The following LPAR1 variants were observed in gnomAD, a reference collection of about 807,000 sequenced individuals.
LPAR1 encodes the protein lysophosphatidic acid receptor 1.
In LPAR1, 5 loss-of-function variants were observed where a neutral mutation model predicts 23.8. The ratio of observed to expected loss-of-function variants is 0.21; its 90% CI spans 0.11 to 0.44. The LOEUF is 0.44. Ranked by LOEUF, LPAR1 falls within the 20% of genes least tolerant of loss-of-function variation. LPAR1 has a pLI of 0.99. For synonymous variants in LPAR1, 160 were observed against 164.7 expected (o/e 0.97, Z 0.22); for missense variants, 311 against 482.8 (o/e 0.64, Z 3.33).
At chr9:111,005,246 A>G (rs1054480663) in intron 2 of LPAR1, among the ~76,000 whole-genome samples, 4 of 151,786 alleles carry the variant, frequency 2.6e-5, no homozygotes, top group African/African-American at 9.7e-5. Context: ...ATGATCTAAC[A>G]AAATTGTGGA....
At chr9:110,919,253 C>T (rs970498170) in intron 5 of LPAR1, among the ~76,000 whole-genome samples, 1 of 152,112 alleles carries the variant, frequency 6.6e-6, no homozygotes, top group Non-Finnish European at 1.5e-5. Flanking sequence ...TGCCCACCCC[C>T]TGCCTCCGCC....
chr9:110,922,299 A>C (rs1237886713), intron 5 of LPAR1, among the ~76,000 whole-genome samples: 1 of 152,190 alleles, frequency 6.6e-6, no homozygotes. Context: ...ACGAGCATAA[A>C]GTAGTTCAGC....
At chr9:110,881,759 C>G (rs1046445914) in intron 5 of LPAR1, among the ~76,000 whole-genome samples, 1 of 152,224 alleles carries the variant, frequency 6.6e-6, no homozygotes, top group Non-Finnish European at 1.5e-5. Context: ...CTCCACACTG[C>G]TTCCCTAAAG....
At chr9:110,893,505 T>A (rs1009351153) in intron 5 of LPAR1, among the ~76,000 whole-genome samples, 2 of 152,204 alleles carry the variant, frequency 1.3e-5, no homozygotes, top group African/African-American at 4.8e-5. Flanking sequence ...TATAGGTACT[T>A]ATATGTATAT....
intron 2 of LPAR1, among the ~76,000 whole-genome samples, chr9:110,999,666 A>G (rs188506740): frequency 3.9e-5 from 6 of 152,156 alleles, no homozygotes; most frequent in Non-Finnish European, 2.9e-5. Context: ...ATTTAGCCTC[A>G]TAAGTGGAAA....
At chr9:111,000,972 C>A (rs1431526556) in intron 2 of LPAR1, among the ~76,000 whole-genome samples, 1 of 152,112 alleles carries the variant, frequency 6.6e-6, no homozygotes, top group Non-Finnish European at 1.5e-5. Flanking sequence ...CTCATAATAA[C>A]CCCTTTTGTT....
chr9:110,976,121 G>C (rs2096547745), intron 2 of LPAR1, among the ~76,000 whole-genome samples: 1 of 152,020 alleles, frequency 6.6e-6, no homozygotes, highest in African/African-American at 2.4e-5. Flanking sequence ...GAGTAAGCTG[G>C]CTCACTTTGA....
At chr9:111,000,349 T>C (rs2097105185) in intron 2 of LPAR1, among the ~76,000 whole-genome samples, 2 of 152,158 alleles carry the variant, frequency 1.3e-5, no homozygotes, top group African/African-American at 2.4e-5. Context: ...CCAAATCTCT[T>C]AGTATTGACT....
chr9:110,989,695 C>T (rs1410728388), intron 2 of LPAR1, among the ~76,000 whole-genome samples: 1 of 151,908 alleles, frequency 6.6e-6, no homozygotes, highest in Non-Finnish European at 1.5e-5. Flanking sequence ...ACAAATGTGA[C>T]AATAGACAAA....
chr9:110,966,203 G>A (rs892015540), intron 4 of LPAR1, among the ~76,000 whole-genome samples: 1 of 152,014 alleles, frequency 6.6e-6, no homozygotes, highest in East Asian at 1.9e-4. Context: ...ATGATGGGCC[G>A]GGCATGCTGG....
intron 2 of LPAR1, among the ~76,000 whole-genome samples, chr9:111,021,939 G>A (rs1261103330): frequency 7.5e-6 from 1 of 132,672 alleles, no homozygotes; most frequent in African/African-American, 2.9e-5. Flanking sequence ...ACTCCAGCCT[G>A]GGTGACAGAG....
chr9:111,017,057 C>G (rs750125855), intron 2 of LPAR1, among the ~76,000 whole-genome samples: 3 of 152,168 alleles, frequency 2.0e-5, no homozygotes, highest in Non-Finnish European at 4.4e-5. Flanking sequence ...GAAGAGTTGT[C>G]CCCCCTGGTT....
At chr9:110,966,497 A>G (rs1258200578) in intron 4 of LPAR1, among the ~76,000 whole-genome samples, 3 of 151,660 alleles carry the variant, frequency 2.0e-5, no homozygotes, top group East Asian at 3.9e-4. Context: ...AAAAAAAAAA[A>G]CCAACCTAGA....
intron 2 of LPAR1, among the ~76,000 whole-genome samples, chr9:110,983,578 C>T (rs190323087): frequency 1.3e-5 from 2 of 151,880 alleles, no homozygotes; most frequent in Admixed American, 1.3e-4. Flanking sequence ...ATTGGTTGCA[C>T]AACAGTCTGA....
rs2097939070 is a variant in LPAR1, at chr9:111,038,339, G to C, written c.-434C>G. ...CCTGCGCCCACCCCGCCGGGGTCCC[G>C]TGCTCGGCCGGGCGGCGGGGAGGGC... On this transcript the variant is annotated 5_prime_UTR_variant, in exon 1 of 6. Coordinates refer to ENST00000683809, the MANE Select transcript of LPAR1 (RefSeq NM_001351411.2). The surrounding 1 kb of genome is among the most constrained non-coding windows in gnomAD (Gnocchi z 4.4). 6.6e-6 allele frequency: 1 copy of C among 151,216 alleles called. No individual in the cohort carries two copies. Among genetic ancestry groups the C allele is most frequent in the Non-Finnish European group, 1.5e-5 (1 of 68,676 alleles). 9.4% of individuals were successfully genotyped at this position (151,216 alleles called of 1,614,324 possible).
At chr9:110,916,524 GAAT>G (rs1306563731) in intron 5 of LPAR1, among the ~76,000 whole-genome samples, 3 of 152,154 alleles carry the variant, frequency 2.0e-5, no homozygotes, top group Non-Finnish European at 4.4e-5. Context: ...ATAAATTAGT[GAAT>G]AATAAGTATT....
At chr9:111,014,212 C>G (rs1795548145) in intron 2 of LPAR1, among the ~76,000 whole-genome samples, 1 of 152,182 alleles carries the variant, frequency 6.6e-6, no homozygotes, top group South Asian at 2.1e-4. Flanking sequence ...CTGTTCTGCT[C>G]CCATTCACAA....
intron 4 of LPAR1, among the ~76,000 whole-genome samples, chr9:110,965,635 A>G (rs1476334341): frequency 6.6e-6 from 1 of 152,344 alleles, no homozygotes. Context: ...GATGCTGAAG[A>G]GGATGTGGAG....
intron 5 of LPAR1, among the ~76,000 whole-genome samples, chr9:110,903,951 C>T (rs2090311221): frequency 7.5e-6 from 1 of 133,716 alleles, no homozygotes. Flanking sequence ...TATTAGGGAA[C>T]ATCAACTCCA....
Sources: allele counts gnomAD v4.1 joint callset (sites outside exome capture counted in the v4.1 genomes callset), GRCh38; gene constraint gnomAD v4.1.1; non-coding constraint Gnocchi (gnomAD v3.1); transcripts MANE v1.5; gene names NCBI Gene and HGNC (gene_info 2026-07-23, HGNC 2026-07-21).